DHRSX: variants seen among roughly 807,000 people sequenced by gnomAD.
The protein encoded by DHRSX is dehydrogenase/reductase X-linked, also known as polyprenol dehydrogenase.
A neutral mutation model predicts 34.0 loss-of-function variants in DHRSX; 31 were observed. That is an observed-to-expected ratio of 0.91 (90% CI 0.69 to 1.23). The LOEUF (loss-of-function observed/expected upper bound fraction) is 1.23, where lower values mean the gene tolerates loss of function less well. Ranked by LOEUF, DHRSX falls within the 50% of genes most tolerant of loss-of-function variation. The pLI is 0.00. For missense variants in DHRSX, 414 were observed against 428.1 expected, an observed-to-expected ratio of 0.97 and a Z score of 0.29; for synonymous variants, 201 against 183.8, an observed-to-expected ratio of 1.09 and a Z score of -0.76.
chrX:2,264,537 C>T (rs1474921312), intron 5 of DHRSX, among the ~76,000 whole-genome samples: 1 of 149,494 alleles, frequency 6.7e-6, no homozygotes, highest in Non-Finnish European at 1.5e-5. Flanking sequence ...AGCACCTGTG[C>T]TCAGCAGACG....
chrX:2,490,353 G>A, intron 1 of DHRSX: 1 of 1,613,412 alleles, frequency 6.2e-7, no homozygotes, highest in Non-Finnish European at 8.5e-7. Flanking sequence ...AGCTCCTGCT[G>A]CTTCTTGCTG....
chrX:2,311,508 T>C (rs760710367), intron 3 of DHRSX, among the ~76,000 whole-genome samples: 2 of 152,276 alleles, frequency 1.3e-5, no homozygotes, highest in East Asian at 3.9e-4. Context: ...AGTTGTCCTC[T>C]GACTCCCAGG....
intron 3 of DHRSX, among the ~76,000 whole-genome samples, chrX:2,330,189 C>G (rs1235211616): frequency 8.3e-5 from 11 of 132,150 alleles, no homozygotes; most frequent in Admixed American, 1.7e-4. Flanking sequence ...GGAGGAGAAG[C>G]AGGAGGAGGG....
intron 3 of DHRSX, among the ~76,000 whole-genome samples, chrX:2,407,115 C>T (rs2043565022): frequency 6.6e-6 from 1 of 152,184 alleles, no homozygotes; most frequent in African/African-American, 2.4e-5. Flanking sequence ...TCTCCTGCAG[C>T]AACACAGATG....
intron 3 of DHRSX, among the ~76,000 whole-genome samples, chrX:2,314,882 G>T (rs1166439572): frequency 6.6e-6 from 1 of 152,160 alleles, no homozygotes; most frequent in Non-Finnish European, 1.5e-5. Context: ...CTTAGGCCAG[G>T]TGCGGTGGCT....
intron 3 of DHRSX, among the ~76,000 whole-genome samples, chrX:2,347,456 G>A (rs1400138748): frequency 3.3e-5 from 5 of 152,244 alleles, no homozygotes; most frequent in Non-Finnish European, 7.3e-5. Flanking sequence ...CACTTTGGGA[G>A]GCCAACACAG....
intron 6 of DHRSX, among the ~76,000 whole-genome samples, chrX:2,230,508 T>G (rs1432543961): frequency 6.6e-6 from 1 of 152,056 alleles, no homozygotes; most frequent in Non-Finnish European, 1.5e-5. Flanking sequence ...GATGATTGAG[T>G]TCACGTATCA....
intron 4 of DHRSX, among the ~76,000 whole-genome samples, chrX:2,283,039 GGA>G (rs1340634064): frequency 1.6e-4 from 25 of 151,610 alleles, no homozygotes; most frequent in Admixed American, 3.9e-4. Flanking sequence ...GGGAGAAGGA[GGA>G]GAGAGAGACA....
At chrX:2,238,640 A>G (rs2016071150) in intron 6 of DHRSX, among the ~76,000 whole-genome samples, 1 of 150,936 alleles carries the variant, frequency 6.6e-6, no homozygotes, top group Admixed American at 6.6e-5. Context: ...CTGGAGTGCA[A>G]TGGCGCCATC....
intron 3 of DHRSX, among the ~76,000 whole-genome samples, chrX:2,336,703 G>A (rs2042569815): frequency 1.3e-5 from 2 of 151,398 alleles, no homozygotes; most frequent in South Asian, 4.2e-4. Context: ...AGGTTCAAGT[G>A]AGCCTCCAGA....
chrX:2,346,322 G>A (rs1220046110), intron 3 of DHRSX, among the ~76,000 whole-genome samples: 8 of 152,100 alleles, frequency 5.3e-5, no homozygotes, highest in Non-Finnish European at 1.2e-4. Flanking sequence ...AAAATGCAAT[G>A]TGCCATCCAG....
chrX:2,298,884 C>G (rs868084537), intron 3 of DHRSX, among the ~76,000 whole-genome samples: 1 of 147,952 alleles, frequency 6.8e-6, no homozygotes, highest in South Asian at 2.1e-4. Context: ...ACCAGGGAGG[C>G]TAAGGCAGGA....
At chrX:2,434,543 C>T (rs1441216250) in intron 1 of DHRSX, among the ~76,000 whole-genome samples, 2 of 152,142 alleles carry the variant, frequency 1.3e-5, no homozygotes, top group African/African-American at 4.8e-5. Context: ...TGGTGATGCT[C>T]GCCTGTAGTC....
At chrX:2,324,953 T>G (rs1001967623) in intron 3 of DHRSX, among the ~76,000 whole-genome samples, 4 of 150,094 alleles carry the variant, frequency 2.7e-5, no homozygotes, top group African/African-American at 9.8e-5. Context: ...TTTGTTTTTT[T>G]TTTTTTTAGT....
At chrX:2,306,997 A>C (rs909045479) in intron 3 of DHRSX, among the ~76,000 whole-genome samples, 21 of 149,634 alleles carry the variant, frequency 1.4e-4, no homozygotes, top group African/African-American at 4.9e-4. Context: ...TCATGAAATG[A>C]GTCTGTTCTG....
At position 2,373,475 on chromosome X, in the gene DHRSX, C is replaced by T. The variant is rs188615980; in HGVS notation, c.286+35270G>A. Among the ~76,000 whole-genome samples the T allele has an allele frequency of 2.6e-3, 403 of 152,238 alleles. 1 individual carries two copies. The highest frequency in any genetic ancestry group is 9.1e-3 in the African/African-American group (380 of 41,536). On this transcript the variant is annotated intron_variant, in intron 3 of 6. Transcript: ENST00000334651. Reference sequence around the variant, plus strand: ...CATTTCCTCTGGGGCCTCCATTCTCCCCACGCCAGAATTAGGGGGTCTCTA... The same window carrying T: ...CATTTCCTCTGGGGCCTCCATTCTCTCCACGCCAGAATTAGGGGGTCTCTA...
chrX:2,428,500 C>T (rs1410452934), intron 1 of DHRSX, among the ~76,000 whole-genome samples: 1 of 152,156 alleles, frequency 6.6e-6, no homozygotes, highest in Non-Finnish European at 1.5e-5. Context: ...AACCATCCTT[C>T]TCAGCGAACT....
intron 3 of DHRSX, among the ~76,000 whole-genome samples, chrX:2,394,150 G>A (rs2043379095): frequency 6.6e-6 from 1 of 152,226 alleles, no homozygotes; most frequent in South Asian, 2.1e-4. Flanking sequence ...CCTGGCGGCT[G>A]CAGGTGCCTA....
intron 3 of DHRSX, among the ~76,000 whole-genome samples, chrX:2,375,817 G>A (rs1423124798): frequency 7.3e-6 from 1 of 136,404 alleles, no homozygotes; most frequent in Non-Finnish European, 1.7e-5. Context: ...ATTTTTAGTA[G>A]AGACGGGGTT....
Sources: allele counts gnomAD v4.1 joint callset (sites outside exome capture counted in the v4.1 genomes callset), GRCh38; gene constraint gnomAD v4.1.1; transcripts MANE v1.5; gene names NCBI Gene and HGNC (gene_info 2026-07-23, HGNC 2026-07-21).